The following HMGXB4 variants were observed in gnomAD, a reference collection of about 807,000 sequenced individuals.
The protein encoded by HMGXB4 is HMG-box containing 4.
A neutral mutation model predicts 63.9 loss-of-function variants in HMGXB4; 27 were observed. The ratio of observed to expected loss-of-function variants is 0.42; its 90% CI spans 0.31 to 0.58. The LOEUF (loss-of-function observed/expected upper bound fraction) is 0.58, where lower values mean the gene tolerates loss of function less well. HMGXB4 is among the 20% of genes least tolerant of loss of function. The pLI is 0.13. For missense variants in HMGXB4, 624 were observed against 700.7 expected, an observed-to-expected ratio of 0.89 and a Z score of 1.24; for synonymous variants, 264 against 265.3, an observed-to-expected ratio of 0.99 and a Z score of 0.05.
At chr22:35,290,623 TCCGCCTCAAAAAAAAA>T (rs1924873896) in intron 9 of HMGXB4, among the ~76,000 whole-genome samples, 1 of 89,716 alleles carries the variant, frequency 1.1e-5, no homozygotes, top group African/African-American at 4.8e-5. Context: ...GGAGCGAGAC[TCCGCCTCAAAAAAAAA>T]AAAAAAAAAA....
intron 4 of HMGXB4, chr22:35,264,138 GC>G: frequency 7.7e-7 from 1 of 1,293,304 alleles, no homozygotes. Context: ...CTTATCTTGT[GC>G]CCATTGTTAT....
At chr22:35,262,115 T>C in intron 1 of HMGXB4, 1 of 387,552 alleles carries the variant, frequency 2.6e-6, no homozygotes, top group Non-Finnish European at 4.6e-6. Flanking sequence ...ACAACTTTAA[T>C]TCATGACTGA....
chr22:35,264,609 T>C, intron 4 of HMGXB4, 39 bp from the exon 5 acceptor site: 1 of 1,430,920 alleles, frequency 7.0e-7, no homozygotes, highest in Non-Finnish European at 9.4e-7. Context: ...AGAAGTTGCT[T>C]CCCATCATAT....
chr22:35,293,246 T>C (rs1925036422), intron 10 of HMGXB4, 132 bp downstream of exon 10: 1 of 1,001,144 alleles, frequency 1.0e-6, no homozygotes, highest in Non-Finnish European at 1.5e-6. Flanking sequence ...CCATGGAACA[T>C]GATGCTATAT....
intron 9 of HMGXB4, among the ~76,000 whole-genome samples, chr22:35,291,015 G>C (rs934756429): frequency 6.6e-6 from 1 of 152,140 alleles, no homozygotes; most frequent in Non-Finnish European, 1.5e-5. Context: ...TGTAATCCCA[G>C]GACTCTGGGA....
chr22:35,245,709 AAG>A, the HMGXB4 span, among the ~76,000 whole-genome samples: 1 of 152,170 alleles, frequency 6.6e-6, no homozygotes, highest in African/African-American at 2.4e-5. Flanking sequence ...TAGCAGGGCA[AAG>A]AGGGGTTTGC....
At chr22:35,246,514 C>T in the HMGXB4 span, among the ~76,000 whole-genome samples, 9 of 152,182 alleles carry the variant, frequency 5.9e-5, no homozygotes, top group African/African-American at 2.2e-4. Context: ...ACCTCGTGTT[C>T]CACCTGCCTC....
chr22:35,252,706 AG>A (rs1338577647), upstream of HMGXB4, among the ~76,000 whole-genome samples: 2 of 152,186 alleles, frequency 1.3e-5, no homozygotes, highest in Non-Finnish European at 1.5e-5. Context: ...GGGACCCATT[AG>A]AGACAAGAAA....
chr22:35,288,923 C>T (rs1343701667), intron 9 of HMGXB4, among the ~76,000 whole-genome samples: 4 of 152,124 alleles, frequency 2.6e-5, no homozygotes, highest in Non-Finnish European at 4.4e-5. Flanking sequence ...AGGCGGATCA[C>T]GAGGTCAGGA....
At chr22:35,280,667 C>G (rs1230205209) in intron 5 of HMGXB4, among the ~76,000 whole-genome samples, 1 of 152,220 alleles carries the variant, frequency 6.6e-6, no homozygotes, top group Admixed American at 6.5e-5. Flanking sequence ...TGAATGGCAT[C>G]TTCCGGACAG....
chr22:35,257,264 G>T (rs1187115735), upstream of HMGXB4, among the ~76,000 whole-genome samples: 31 of 152,212 alleles, frequency 2.0e-4, no homozygotes, highest in Admixed American at 2.0e-3. Context: ...GTTCTCTTCT[G>T]CAAAATGCGA....
chr22:35,241,827 G>T, the HMGXB4 span, among the ~76,000 whole-genome samples: 1 of 152,192 alleles, frequency 6.6e-6, no homozygotes, highest in Non-Finnish European at 1.5e-5. Flanking sequence ...GGGTCTGTGG[G>T]TCCTCTCAGG....
intron 3 of HMGXB4, 61 bp from the exon 4 acceptor site, chr22:35,263,735 G>A (rs1923015141): frequency 2.7e-6 from 3 of 1,107,652 alleles, no homozygotes; most frequent in South Asian, 2.5e-5. Flanking sequence ...AAAGACAAGA[G>A]TGGTTACAAA....
At chr22:35,282,374 C>T (rs1246058071) in intron 5 of HMGXB4, among the ~76,000 whole-genome samples, 2 of 152,106 alleles carry the variant, frequency 1.3e-5, no homozygotes, top group Non-Finnish European at 2.9e-5. Context: ...GACGGGGTTT[C>T]ACCGTGTTAG....
chr22:35,249,406 T>C, the HMGXB4 span, among the ~76,000 whole-genome samples: 2 of 99,478 alleles, frequency 2.0e-5, 1 homozygote, highest in South Asian at 7.0e-4. Flanking sequence ...TACTGTAACT[T>C]TTTTACTTTA....
chr22:35,254,349 A>T (rs1922304784), upstream of HMGXB4, among the ~76,000 whole-genome samples: 1 of 152,214 alleles, frequency 6.6e-6, no homozygotes, highest in South Asian at 2.1e-4. Context: ...AATGCAAGAG[A>T]ACTATGAAAG....
At chr22:35,280,924 C>G (rs1201011753) in intron 5 of HMGXB4, among the ~76,000 whole-genome samples, 1 of 152,202 alleles carries the variant, frequency 6.6e-6, no homozygotes, top group Non-Finnish European at 1.5e-5. Context: ...ACTACATGTT[C>G]CCATAGCACC....
chr22:35,252,500 G>A (rs1035714412), upstream of HMGXB4, among the ~76,000 whole-genome samples: 2 of 152,168 alleles, frequency 1.3e-5, no homozygotes, highest in Non-Finnish European at 2.9e-5. Flanking sequence ...GTTTCACTTC[G>A]AATAATCTCC....
At chr22:35,244,571 C>T in the HMGXB4 span, among the ~76,000 whole-genome samples, 5 of 152,212 alleles carry the variant, frequency 3.3e-5, no homozygotes, top group African/African-American at 1.2e-4. Flanking sequence ...TTTGCCCTGG[C>T]ATACTTATAC....
Sources: gnomAD v4.1 joint callset for allele counts (sites outside exome capture counted in the v4.1 genomes callset) on GRCh38, gnomAD v4.1.1 for gene constraint, MANE v1.5 for transcripts, NCBI Gene and HGNC (gene_info 2026-07-23, HGNC 2026-07-21) for gene names.